The following KPNA6 variants were observed in gnomAD, a reference collection of about 807,000 sequenced individuals.
KPNA6 encodes the protein karyopherin subunit alpha 6, also known as importin subunit alpha-7.
A neutral mutation model predicts 72.0 loss-of-function variants in KPNA6; 9 were observed. The ratio of observed to expected loss-of-function variants is 0.13; its 90% CI spans 0.08 to 0.22. The LOEUF (loss-of-function observed/expected upper bound fraction) is 0.22. Among genes scored for constraint, KPNA6 ranks in the 10% least tolerant of loss-of-function variants. The pLI is 1.00. For missense variants in KPNA6, 374 were observed against 655.7 expected (o/e 0.57, Z 4.69); for synonymous variants, 219 against 242.1 (o/e 0.90, Z 0.89).
At chr1:32,143,297 C>T (rs562419894) in intron 1 of KPNA6, among the ~76,000 whole-genome samples, 2 of 152,172 alleles carry the variant, frequency 1.3e-5, no homozygotes, top group African/African-American at 4.8e-5. Context: ...AACTCCTGGG[C>T]TCAAGCAGTC....
chr1:32,131,755 C>G (rs1283123527), intron 1 of KPNA6, among the ~76,000 whole-genome samples: 1 of 150,854 alleles, frequency 6.6e-6, no homozygotes, highest in Non-Finnish European at 1.5e-5. Context: ...TACAGTGGCC[C>G]ACACCTATAA....
chr1:32,134,401 G>A (rs992755702), intron 1 of KPNA6, among the ~76,000 whole-genome samples: 2 of 151,874 alleles, frequency 1.3e-5, no homozygotes, highest in African/African-American at 4.8e-5. Flanking sequence ...AGCACTTTAG[G>A]AGGCTGAGGC....
chr1:32,141,797 CTT>C (rs1230062160), intron 1 of KPNA6, among the ~76,000 whole-genome samples: 10 of 152,044 alleles, frequency 6.6e-5, no homozygotes, highest in African/African-American at 2.4e-4. Flanking sequence ...AAAGACAAGG[CTT>C]AATTAACTTG....
intron 9 of KPNA6, among the ~76,000 whole-genome samples, chr1:32,163,001 G>A (rs1214481777): frequency 6.6e-6 from 1 of 151,720 alleles, no homozygotes; most frequent in East Asian, 1.9e-4. Flanking sequence ...CTACTCGGGA[G>A]GCTGAGGCAG....
intron 1 of KPNA6, among the ~76,000 whole-genome samples, chr1:32,121,461 C>G (rs547917627): frequency 1.3e-4 from 20 of 152,132 alleles, no homozygotes; most frequent in Admixed American, 3.3e-4. Context: ...AAGTCTGGAG[C>G]TCAAGAGTGA....
At chr1:32,169,755 C>A in intron 12 of KPNA6, 127 bp from the exon 13 acceptor site, 1 of 819,292 alleles carries the variant, frequency 1.2e-6, no homozygotes, top group Non-Finnish European at 1.8e-6. Context: ...CCACCGCGCT[C>A]GGCCTCACAA....
rs780584561 is a variant in KPNA6, at chr1:32,166,012, AAACAAC to A, written c.991-72_991-67del. 2.6e-4 allele frequency: 357 copies of A among 1,388,214 alleles called. 2 individuals are homozygous for A. Among genetic ancestry groups the A allele is most frequent in the Middle Eastern group, 1.0e-3 (5 of 4,886 alleles). 86.0% of individuals were successfully genotyped at this position (1,388,214 alleles called of 1,614,324 possible). On this transcript the variant is annotated intron_variant, in intron 10 of 13. Transcript: ENST00000373625. ...GACTCTGTCTCAAAAAAAAAAACAA[AAACAAC>A]AACAACAACAACAACAACAAAAAAA...
chr1:32,126,424 G>T (rs907816239), intron 1 of KPNA6, among the ~76,000 whole-genome samples: 30 of 151,978 alleles, frequency 2.0e-4, no homozygotes, highest in Middle Eastern at 3.4e-3. Flanking sequence ...TTGCCCTTTT[G>T]CCCAGGCTGG....
At chr1:32,119,032 A>ATATATATTTTTT (rs1167325052) in intron 1 of KPNA6, among the ~76,000 whole-genome samples, 3 of 40,280 alleles carry the variant, frequency 7.4e-5, no homozygotes, top group Non-Finnish European at 8.2e-5. Flanking sequence ...ATATATATAT[A>ATATATATTTTTT]TTTTTTTTTT....
intron 6 of KPNA6, 29 bp downstream of exon 6, chr1:32,159,560 A>T (rs767683712): frequency 1.9e-6 from 3 of 1,608,196 alleles, no homozygotes; most frequent in South Asian, 2.2e-5. Context: ...GTGATTCTTT[A>T]TAGTACCTGT....
At chr1:32,166,324 C>G in intron 11 of KPNA6, 94 bp downstream of exon 11, 2 of 1,455,848 alleles carry the variant, frequency 1.4e-6, no homozygotes, top group Non-Finnish European at 1.8e-6. Flanking sequence ...ATTTGTTTCC[C>G]TTTAAAAATA....
chr1:32,120,711 C>T (rs1487436200), intron 1 of KPNA6, among the ~76,000 whole-genome samples: 5 of 150,298 alleles, frequency 3.3e-5, no homozygotes, highest in Non-Finnish European at 7.4e-5. Context: ...GGATTACAGG[C>T]GCCTGCCATC....
At chr1:32,168,531 A>G (rs374992185) in intron 12 of KPNA6, among the ~76,000 whole-genome samples, 17 of 152,312 alleles carry the variant, frequency 1.1e-4, no homozygotes, top group East Asian at 7.7e-4. Context: ...ATTAGTGGAA[A>G]GTGGTGGGAA....
intron 1 of KPNA6, among the ~76,000 whole-genome samples, chr1:32,127,698 C>A (rs1416139138): frequency 6.6e-6 from 1 of 152,104 alleles, no homozygotes; most frequent in African/African-American, 2.4e-5. Context: ...GCTGTGTGGA[C>A]CTTTGTTTTT....
chr1:32,133,409 A>G (rs1032522394), intron 1 of KPNA6, among the ~76,000 whole-genome samples: 34 of 149,146 alleles, frequency 2.3e-4, no homozygotes, highest in African/African-American at 7.9e-4. Flanking sequence ...GGCCAGGTGC[A>G]GTGGTTCATA....
intron 1 of KPNA6, among the ~76,000 whole-genome samples, chr1:32,154,146 C>CAA (rs960270047): frequency 7.3e-6 from 1 of 136,086 alleles, no homozygotes; most frequent in Non-Finnish European, 1.6e-5. Flanking sequence ...GACCCTGTCT[C>CAA]AAAAAAAAAA....
chr1:32,136,733 T>C (rs1403608247), intron 1 of KPNA6, among the ~76,000 whole-genome samples: 1 of 152,220 alleles, frequency 6.6e-6, no homozygotes, highest in African/African-American at 2.4e-5. Context: ...TGGATTCTGT[T>C]TGATAAAGTG....
In KPNA6 at chr1:32,174,966, T is replaced by C. The variant is rs1267012848; in HGVS notation, c.*4072T>C. On this transcript the variant is annotated 3_prime_UTR_variant, in exon 14 of 14. Transcript: ENST00000373625. The stretch of plus-strand genomic sequence containing the variant: ...TTCTGTTTGAGCTTTTTCATTCTTT[T>C]GTTAAGCCAACAAGTTGAGAATTTG... 1 of 152,254 alleles carries C rather than the reference T, an allele frequency of 6.6e-6. No homozygotes were observed. The highest frequency in any genetic ancestry group is 1.5e-5 in the Non-Finnish European group (1 of 68,056). The allele number at this position is 152,254 out of a possible 1,614,324, so 9.4% of individuals were successfully genotyped here.
chr1:32,114,718 C>T (rs963624278), intron 1 of KPNA6, among the ~76,000 whole-genome samples: 1 of 152,186 alleles, frequency 6.6e-6, no homozygotes, highest in Non-Finnish European at 1.5e-5. Context: ...ATGACATCTT[C>T]CTCCAATGGA....
Sources: allele counts gnomAD v4.1 joint callset (sites outside exome capture counted in the v4.1 genomes callset), GRCh38; gene constraint gnomAD v4.1.1; transcripts MANE v1.5; gene names NCBI Gene and HGNC (gene_info 2026-07-23, HGNC 2026-07-21).